The following EYS variants were observed in gnomAD, a reference collection of about 807,000 sequenced individuals.
EYS encodes the protein EGF-like photoreceptor maintenance factor.
A neutral mutation model predicts 282.1 loss-of-function variants in EYS; 250 were observed. That is an observed-to-expected ratio of 0.89 (90% CI 0.80 to 0.98). EYS has a LOEUF of 0.98. EYS is among the 50% of genes least tolerant of loss of function. The pLI, the probability that EYS is intolerant of heterozygous loss-of-function variation, is 0.00. For synonymous variants in EYS, 1,355 were observed against 1,282.9 expected, an observed-to-expected ratio of 1.06 and a Z score of -1.20; for missense variants, 4,016 against 3,709.0, an observed-to-expected ratio of 1.08 and a Z score of -2.15.
At chr6:65,655,486 T>C (rs1767788802) in intron 1 of EYS, among the ~76,000 whole-genome samples, 2 of 151,724 alleles carry the variant, frequency 1.3e-5, no homozygotes, top group African/African-American at 2.4e-5. Context: ...AATGGTACAA[T>C]GAAAATGGCA....
chr6:65,309,989 G>A (rs1179331465), intron 11 of EYS, among the ~76,000 whole-genome samples: 1 of 152,114 alleles, frequency 6.6e-6, no homozygotes, highest in Non-Finnish European at 1.5e-5. Context: ...CTTTCAGTAT[G>A]CATTGGATCA....
intron 37 of EYS, among the ~76,000 whole-genome samples, chr6:63,805,834 G>T (rs1435205466): frequency 6.6e-6 from 1 of 152,180 alleles, no homozygotes; most frequent in East Asian, 1.9e-4. Flanking sequence ...AAAGTACTCT[G>T]CTTCCTCTTC....
At chr6:64,127,323 A>T (rs1773818693) in intron 31 of EYS, among the ~76,000 whole-genome samples, 1 of 152,166 alleles carries the variant, frequency 6.6e-6, no homozygotes, top group Non-Finnish European at 1.5e-5. Flanking sequence ...AAATGGTAGT[A>T]ACTGCTATAC....
At chr6:64,197,148 AG>A (rs1167376868) in intron 31 of EYS, among the ~76,000 whole-genome samples, 1 of 152,166 alleles carries the variant, frequency 6.6e-6, no homozygotes, top group Non-Finnish European at 1.5e-5. Context: ...TATACTATCT[AG>A]GTAGTGTTAA....
In EYS at chr6:65,303,598, GA is replaced by G. The variant is rs1471816063; in HGVS notation, c.1767-7480del. The stretch of plus-strand genomic sequence containing the variant: ...ATAAAGTTGGTGAGATCCATGTGAA[GA>G]CATTAGAAGAAATGCTTCTTGAAAG... On this transcript the variant is annotated intron_variant, in intron 11 of 42. Transcript: ENST00000503581. 4 of 669,198 alleles carry G rather than the reference GA, an allele frequency of 6.0e-6. No homozygotes were observed. In the African/African-American group the frequency reaches 1.2e-4, roughly 20 times the overall value. 41.5% of individuals were successfully genotyped at this position (669,198 alleles called of 1,614,324 possible).
intron 18 of EYS, among the ~76,000 whole-genome samples, chr6:64,901,423 A>G (rs1767659927): frequency 6.6e-6 from 1 of 151,662 alleles, no homozygotes. Flanking sequence ...GGAGACTACA[A>G]TAAGATATAA....
chr6:64,005,661 G>T (rs1351019472), intron 33 of EYS, among the ~76,000 whole-genome samples: 1 of 152,136 alleles, frequency 6.6e-6, no homozygotes, highest in African/African-American at 2.4e-5. Flanking sequence ...TGTAAGAAAG[G>T]GCTGTAGTTT....
intron 41 of EYS, among the ~76,000 whole-genome samples, chr6:63,754,397 GT>G (rs1192394219): frequency 6.6e-6 from 1 of 151,944 alleles, no homozygotes; most frequent in African/African-American, 2.4e-5. Context: ...CTATGTCCAT[GT>G]GTTCTCATTG....
chr6:64,126,289 G>A (rs1264137764), intron 31 of EYS, among the ~76,000 whole-genome samples: 1 of 149,480 alleles, frequency 6.7e-6, no homozygotes, highest in Non-Finnish European at 1.5e-5. Context: ...CAATAGCGAA[G>A]ACTTGGAACC....
intron 42 of EYS, among the ~76,000 whole-genome samples, chr6:63,722,995 GTGTT>G (rs1193523272): frequency 3.9e-5 from 6 of 152,338 alleles, no homozygotes; most frequent in African/African-American, 1.4e-4. Flanking sequence ...AACAGGGTCT[GTGTT>G]TGGTTTGGTC....
intron 39 of EYS, among the ~76,000 whole-genome samples, chr6:63,782,933 T>C (rs1345205613): frequency 1.3e-5 from 2 of 151,964 alleles, no homozygotes; most frequent in African/African-American, 2.4e-5. Context: ...AATAGCTTTT[T>C]TTTTTAAACT....
chr6:64,851,282 G>A (rs1765873013), intron 19 of EYS, among the ~76,000 whole-genome samples: 1 of 151,972 alleles, frequency 6.6e-6, no homozygotes, highest in African/African-American at 2.4e-5. Flanking sequence ...ATGACATCTG[G>A]ACTTGTTGAA....
chr6:64,458,975 C>T (rs1026618042), intron 26 of EYS, among the ~76,000 whole-genome samples: 5 of 152,152 alleles, frequency 3.3e-5, no homozygotes, highest in African/African-American at 1.2e-4. Context: ...ATTTCTAAGA[C>T]ATCCAGTGTG....
At chr6:65,402,239 AAT>A (rs1208410872) in intron 7 of EYS, among the ~76,000 whole-genome samples, 1 of 151,756 alleles carries the variant, frequency 6.6e-6, no homozygotes, top group African/African-American at 2.4e-5. Flanking sequence ...AGTATTTTTT[AAT>A]AACCGTATAC....
Position 64,081,930 on chromosome 6 carries a change from T to C in EYS, c.6497A>G (p.Glu2166Gly), listed in dbSNP as rs946499278. 7.8e-6 allele frequency: 12 copies of C among 1,544,436 alleles called. No individual in the cohort carries two copies. Among genetic ancestry groups the C allele is most frequent in the Non-Finnish European group, 8.8e-6 (10 of 1,141,080 alleles). Residue 2166 changes from glutamate (E) to glycine (G), a missense_variant, in exon 32 of 43, where the codon GAG becomes GGG. Coordinates refer to ENST00000503581, the MANE Select transcript of EYS (RefSeq NM_001142800.2). ...LELPFLKFVLEKEHNRTVTIY... is the reference protein window; with the variant it reads ...LELPFLKFVLGKEHNRTVTIY... The stretch of plus-strand genomic sequence containing the variant: ...GGTAACAGTTCTGTTATGTTCCTTC[T>C]CCAGGACAAACTTCAAAAAGGGCAG...
chr6:64,284,890 T>C (rs1443080065), intron 30 of EYS, among the ~76,000 whole-genome samples: 2 of 152,152 alleles, frequency 1.3e-5, no homozygotes, highest in Admixed American at 1.3e-4. Context: ...GCACACAGCA[T>C]GGCTACCCTG....
chr6:65,580,015 C>A (rs112718727), intron 2 of EYS, among the ~76,000 whole-genome samples: 5 of 152,224 alleles, frequency 3.3e-5, no homozygotes, highest in African/African-American at 1.2e-4. Flanking sequence ...TATTAAGTAT[C>A]TCCATTACCA....
intron 13 of EYS, among the ~76,000 whole-genome samples, chr6:65,006,531 G>GCAAAAT (rs1488483078): frequency 0.013 from 1,570 of 120,392 alleles, 41 homozygotes; most frequent in African/African-American, 0.019. Context: ...AAAGCAAAAA[G>GCAAAAT]GTAGCTTTCT....
intron 8 of EYS, among the ~76,000 whole-genome samples, chr6:65,372,720 T>C (rs1205745730): frequency 6.6e-6 from 1 of 152,056 alleles, no homozygotes; most frequent in East Asian, 1.9e-4. Context: ...TGATTAGATA[T>C]TCCTCATCAC....
Sources: gnomAD v4.1 joint callset for allele counts (sites outside exome capture counted in the v4.1 genomes callset) on GRCh38, gnomAD v4.1.1 for gene constraint, MANE v1.5 for transcripts, NCBI Gene and HGNC (gene_info 2026-07-23, HGNC 2026-07-21) for gene names.